Variants in RMST observed in about 807,000 individuals in gnomAD.
RMST encodes the protein long intergenic non-protein coding RNA 54.
intron 5 of RMST, among the ~76,000 whole-genome samples, chr12:97,469,141 AGTGTGTGT>A (rs10585876): frequency 0.061 from 8,391 of 138,340 alleles, 314 homozygotes; most frequent in South Asian, 0.13. Context: ...AAGAGAAACC[AGTGTGTGT>A]GTGTGTGTGT....
chr12:97,520,184 A>G (rs1000636326), intron 10 of RMST, among the ~76,000 whole-genome samples: 4 of 152,222 alleles, frequency 2.6e-5, no homozygotes, highest in African/African-American at 9.7e-5. Context: ...CTAACAATTT[A>G]GTACAATAGT....
At chr12:97,541,790 A>G (rs563059524) in intron 11 of RMST, among the ~76,000 whole-genome samples, 2 of 151,850 alleles carry the variant, frequency 1.3e-5, no homozygotes, top group East Asian at 3.9e-4. Flanking sequence ...TATAGGAAAC[A>G]GAAAATGACC....
intron 7 of RMST, among the ~76,000 whole-genome samples, chr12:97,493,523 C>A (rs1877081172): frequency 6.6e-6 from 1 of 152,048 alleles, no homozygotes; most frequent in Non-Finnish European, 1.5e-5. Context: ...AAATAAACCA[C>A]CAAAAATGGA....
chr12:97,526,646 A>C (rs1881140781), intron 10 of RMST, among the ~76,000 whole-genome samples: 1 of 152,100 alleles, frequency 6.6e-6, no homozygotes, highest in Non-Finnish European at 1.5e-5. Flanking sequence ...AATATTTGCT[A>C]TGTGGTAAGT....
At chr12:97,548,166 G>T (rs1025876012) in intron 11 of RMST, among the ~76,000 whole-genome samples, 2 of 152,064 alleles carry the variant, frequency 1.3e-5, no homozygotes, top group Non-Finnish European at 2.9e-5. Flanking sequence ...TTCTCATTAT[G>T]TAGTCCTGAC....
intron 10 of RMST, among the ~76,000 whole-genome samples, chr12:97,526,661 T>C (rs950081823): frequency 2.6e-5 from 4 of 151,990 alleles, no homozygotes; most frequent in African/African-American, 9.7e-5. Flanking sequence ...GTAAGTAATT[T>C]ATAAGTATAC....
chr12:97,491,328 T>C (rs1876782350), intron 5 of RMST, among the ~76,000 whole-genome samples: 1 of 152,224 alleles, frequency 6.6e-6, no homozygotes, highest in South Asian at 2.1e-4. Context: ...TGGCTGTTAG[T>C]AGAACATTTC....
chr12:97,514,117 A>T (rs1346511724), intron 10 of RMST, among the ~76,000 whole-genome samples: 1 of 152,160 alleles, frequency 6.6e-6, no homozygotes, highest in African/African-American at 2.4e-5. Flanking sequence ...CTGGAAGTAC[A>T]GGGGCAAGAG....
chr12:97,541,609 A>G (rs1442028997), intron 11 of RMST, among the ~76,000 whole-genome samples: 1 of 151,652 alleles, frequency 6.6e-6, no homozygotes, highest in Non-Finnish European at 1.5e-5. Flanking sequence ...CGAGTTAGAA[A>G]AGCTGGAACC....
At chr12:97,537,838 G>A (rs530632923) in intron 11 of RMST, among the ~76,000 whole-genome samples, 8 of 151,368 alleles carry the variant, frequency 5.3e-5, no homozygotes, top group African/African-American at 1.7e-4. Context: ...TGTCAGCCAG[G>A]GTTCTTCTGC....
At chr12:97,539,398 C>T (rs1264552656) in intron 11 of RMST, among the ~76,000 whole-genome samples, 1 of 151,542 alleles carries the variant, frequency 6.6e-6, no homozygotes, top group East Asian at 1.9e-4. Flanking sequence ...CACATACATT[C>T]ATAAAATCGC....
At chr12:97,495,175 A>T (rs1004879911) in intron 9 of RMST, among the ~76,000 whole-genome samples, 1 of 58,020 alleles carries the variant, frequency 1.7e-5, no homozygotes, top group Admixed American at 1.3e-4. Flanking sequence ...CATTATTCTT[A>T]TGGGGGGGGA....
chr12:97,482,070 A>G lies in RMST; in HGVS notation n.645-10391A>G, dbSNP rs549858660. Among the ~76,000 whole-genome samples, 258 of 152,288 alleles carry G rather than the reference A, an allele frequency of 1.7e-3. 2 individuals are homozygous for G. Among genetic ancestry groups the G allele is most frequent in the Non-Finnish European group, 2.7e-3 (184 of 68,010 alleles). Reference sequence around the variant, plus strand: ...CTTTTTGTTCCTCCTAATATCAGAGAAGGAACAAACATACATGCCTTAAGG... The same window carrying G: ...CTTTTTGTTCCTCCTAATATCAGAGGAGGAACAAACATACATGCCTTAAGG... On this transcript the variant is annotated intron_variant and non_coding_transcript_variant, in intron 5 of 13. Coordinates refer to ENST00000640149, the Ensembl canonical transcript of RMST.
At chr12:97,551,673 A>G (rs1452817466) in intron 11 of RMST, among the ~76,000 whole-genome samples, 2 of 152,192 alleles carry the variant, frequency 1.3e-5, no homozygotes, top group Non-Finnish European at 2.9e-5. Context: ...TTTCAAAGGC[A>G]TCTATATGCT....
intron 10 of RMST, among the ~76,000 whole-genome samples, chr12:97,499,379 T>C (rs1385271228): frequency 2.0e-5 from 3 of 152,194 alleles, no homozygotes; most frequent in African/African-American, 7.2e-5. Context: ...TAATATTCTT[T>C]TTTAAAATGT....
At chr12:97,500,102 G>A (rs1161342651) in intron 10 of RMST, among the ~76,000 whole-genome samples, 2 of 152,152 alleles carry the variant, frequency 1.3e-5, no homozygotes, top group Non-Finnish European at 2.9e-5. Context: ...TTACCTGAAA[G>A]AACTATTCTG....
chr12:97,563,924 G>T, intron 13 of RMST: 2 of 499,686 alleles, frequency 4.0e-6, no homozygotes, highest in Non-Finnish European at 8.4e-6. Context: ...AACTAAGAAG[G>T]GGCCATCAGT....
At chr12:97,502,170 C>T (rs895603193) in intron 10 of RMST, among the ~76,000 whole-genome samples, 3 of 152,092 alleles carry the variant, frequency 2.0e-5, no homozygotes, top group Admixed American at 6.5e-5. Flanking sequence ...ATAATGGAGA[C>T]TTTCTTGGCC....
intron 5 of RMST, among the ~76,000 whole-genome samples, chr12:97,486,343 G>C (rs897756927): frequency 1.2e-4 from 6 of 50,334 alleles, no homozygotes; most frequent in Admixed American, 5.1e-4. Flanking sequence ...ATGTGAATAA[G>C]TGACATGGCT....
Sources: allele counts gnomAD v4.1 joint callset (sites outside exome capture counted in the v4.1 genomes callset), GRCh38; gene constraint gnomAD v4.1.1; transcripts MANE v1.5; gene names NCBI Gene and HGNC (gene_info 2026-07-23, HGNC 2026-07-21).